SOX5: variants seen among roughly 807,000 people sequenced by gnomAD.
SOX5 encodes transcription factor SOX-5.
In SOX5, 9 loss-of-function variants were observed where a neutral mutation model predicts 92.0. The observed-to-expected ratio is 0.10, with a 90% confidence interval of 0.06 to 0.17. SOX5 has a LOEUF of 0.17. Ranked by LOEUF, SOX5 falls within the 10% of genes least tolerant of loss-of-function variation. The probability of loss-of-function intolerance (pLI) is 1.00; values close to 1 mark genes in which losing one functional copy is unlikely to be tolerated. For missense variants in SOX5, 642 were observed against 944.5 expected, an observed-to-expected ratio of 0.68 and a Z score of 4.20; for synonymous variants, 344 against 336.3, an observed-to-expected ratio of 1.02 and a Z score of -0.25.
intron 9 of SOX5, among the ~76,000 whole-genome samples, chr12:23,593,758 T>C (rs922183877): frequency 6.6e-6 from 1 of 152,118 alleles, no homozygotes; most frequent in Non-Finnish European, 1.5e-5. Context: ...TTTTGGTGTT[T>C]TTCTTTGTTA....
At chr12:23,813,532 A>C (rs979076581) in intron 3 of SOX5, among the ~76,000 whole-genome samples, 1 of 152,172 alleles carries the variant, frequency 6.6e-6, no homozygotes, top group Admixed American at 6.5e-5. Flanking sequence ...AAGTAAATAC[A>C]CAGAAAGAAG....
chr12:24,283,354 T>C (rs986800508), intron 2 of SOX5, among the ~76,000 whole-genome samples: 2 of 152,194 alleles, frequency 1.3e-5, no homozygotes, highest in Non-Finnish European at 2.9e-5. Flanking sequence ...TCAAACTTCT[T>C]TACAGAAGGT....
chr12:23,653,149 T>C (rs1482681998), intron 7 of SOX5, among the ~76,000 whole-genome samples: 2 of 152,022 alleles, frequency 1.3e-5, no homozygotes, highest in African/African-American at 4.8e-5. Context: ...GCAGCATATG[T>C]CTAAACATAT....
At chr12:23,981,504 G>A (rs554700084) in intron 4 of SOX5, among the ~76,000 whole-genome samples, 14 of 152,144 alleles carry the variant, frequency 9.2e-5, no homozygotes, top group Non-Finnish European at 1.6e-4. Flanking sequence ...CAGGAATAAT[G>A]AGCAGAGATG....
At chr12:24,430,490 CA>C (rs1293842112) in intron 1 of SOX5, among the ~76,000 whole-genome samples, 6 of 151,492 alleles carry the variant, frequency 4.0e-5, no homozygotes, top group African/African-American at 1.5e-4. Flanking sequence ...TTAACAGCAT[CA>C]ATAAAATTGA....
rs1373893135 is a variant in SOX5, at chr12:23,905,920, CAG to C, written c.39-9898_39-9897del. On this transcript the variant is annotated intron_variant, in intron 1 of 14. Transcript: ENST00000451604. ...TAATTTTATTTCCTTATCTCAAAAA[CAG>C]AAACACCTTTATCTGAGATAAAACA... 3.9e-5 allele frequency among the ~76,000 whole-genome samples: 6 copies of C among 152,226 alleles called. No homozygotes were observed. The South Asian group carries it at 1.2e-3, about 32-fold the overall frequency.
chr12:23,560,204 C>A (rs1377665164), intron 11 of SOX5, among the ~76,000 whole-genome samples: 6 of 152,178 alleles, frequency 3.9e-5, no homozygotes, highest in Non-Finnish European at 8.8e-5. Context: ...AGTCACCGTG[C>A]CTGGCCGGGA....
At chr12:23,826,753 T>C (rs915918705) in intron 3 of SOX5, among the ~76,000 whole-genome samples, 1 of 152,164 alleles carries the variant, frequency 6.6e-6, no homozygotes, top group African/African-American at 2.4e-5. Context: ...AGGGTGCATT[T>C]TGTTCATTTA....
chr12:24,295,334 G>A (rs1947085285), intron 2 of SOX5, among the ~76,000 whole-genome samples: 1 of 152,044 alleles, frequency 6.6e-6, no homozygotes, highest in South Asian at 2.1e-4. Flanking sequence ...TTAAGTACAT[G>A]TATCTATTCA....
chr12:24,349,073 A>C (rs971724927), intron 2 of SOX5, among the ~76,000 whole-genome samples: 1 of 152,156 alleles, frequency 6.6e-6, no homozygotes, highest in African/African-American at 2.4e-5. Context: ...TTTTCATTTA[A>C]ACATACCCAG....
At chr12:23,755,568 C>T in intron 4 of SOX5, 70 bp downstream of exon 4, 2 of 1,095,778 alleles carry the variant, frequency 1.8e-6, no homozygotes, top group Non-Finnish European at 2.7e-6. Context: ...AATACTTTAT[C>T]ACCATTACTA....
intron 4 of SOX5, among the ~76,000 whole-genome samples, chr12:24,081,740 G>C (rs1419365923): frequency 6.6e-6 from 1 of 151,982 alleles, no homozygotes; most frequent in Admixed American, 6.6e-5. Flanking sequence ...ACTTCAGACA[G>C]TGCTTTCAAG....
intron 3 of SOX5, among the ~76,000 whole-genome samples, chr12:24,249,284 C>G (rs1269420069): frequency 6.6e-6 from 1 of 152,244 alleles, no homozygotes; most frequent in Non-Finnish European, 1.5e-5. Context: ...TGTGCAATCA[C>G]TGGTTCTAGT....
chr12:23,918,647 C>T (rs566677851), intron 1 of SOX5, among the ~76,000 whole-genome samples: 5 of 152,172 alleles, frequency 3.3e-5, no homozygotes, highest in Admixed American at 1.3e-4. Flanking sequence ...AAAAATGGGC[C>T]GGGCGTGGTG....
intron 4 of SOX5, among the ~76,000 whole-genome samples, chr12:23,977,766 G>GA (rs1392077303): frequency 6.9e-6 from 1 of 144,640 alleles, no homozygotes; most frequent in African/African-American, 2.5e-5. Context: ...CCTAAGAAAA[G>GA]AAAAAAATAA....
In SOX5 at chr12:23,931,992, C is replaced by T. The variant is rs1444789336; in HGVS notation, c.38+17572G>A. 9.3e-5 allele frequency among the ~76,000 whole-genome samples: 14 copies of T among 151,182 alleles called. No individual in the cohort carries two copies. In the Admixed American group the frequency reaches 9.3e-4, roughly 10 times the overall value. On this transcript the variant is annotated intron_variant, in intron 1 of 14. Coordinates refer to ENST00000451604, the MANE Select transcript of SOX5 (RefSeq NM_006940.6). ...CAACAAGGGTCAGTTAAACTCTATG[C>T]AAGACAAATCACCATAGCTCAGATA...
At chr12:23,914,345 A>G (rs778897865) in intron 1 of SOX5, among the ~76,000 whole-genome samples, 60 of 152,304 alleles carry the variant, frequency 3.9e-4, no homozygotes, top group Middle Eastern at 3.4e-3. Flanking sequence ...GATGCTTTCC[A>G]GTTATAATAG....
intron 2 of SOX5, among the ~76,000 whole-genome samples, chr12:24,335,047 T>TA (rs899487256): frequency 3.3e-5 from 5 of 152,024 alleles, no homozygotes; most frequent in African/African-American, 9.7e-5. Context: ...TCTTTCACCC[T>TA]AAAAAAAATC....
At chr12:23,572,412 C>A in intron 10 of SOX5, among the ~76,000 whole-genome samples, 1 of 151,362 alleles carries the variant, frequency 6.6e-6, no homozygotes, top group South Asian at 2.1e-4. Flanking sequence ...GACTTAAATC[C>A]TTGGAAATTA....
Sources: allele counts gnomAD v4.1 joint callset (sites outside exome capture counted in the v4.1 genomes callset), GRCh38; gene constraint gnomAD v4.1.1; transcripts MANE v1.5; gene names NCBI Gene and HGNC (gene_info 2026-07-23, HGNC 2026-07-21).